Variants in CSMD1 observed in about 807,000 individuals in gnomAD.
CSMD1 encodes CUB and sushi domain-containing protein 1.
Under a neutral mutation model 417.5 loss-of-function variants are expected in CSMD1, and 213 were observed. The ratio of observed to expected loss-of-function variants is 0.51; its 90% CI spans 0.46 to 0.57. The LOEUF (loss-of-function observed/expected upper bound fraction) is 0.57. CSMD1 is among the 20% of genes least tolerant of loss of function. CSMD1 has a pLI of 0.00. For missense variants in CSMD1, 6,923 were observed against 4,529.7 expected, an observed-to-expected ratio of 1.53 and a Z score of -15.17; for synonymous variants, 2,862 against 1,736.8, an observed-to-expected ratio of 1.65 and a Z score of -16.11.
intron 10 of CSMD1, among the ~76,000 whole-genome samples, chr8:3,529,611 T>C (rs1325229782): frequency 6.6e-6 from 1 of 152,230 alleles, no homozygotes; most frequent in Admixed American, 6.5e-5. Flanking sequence ...TTCTGACGCC[T>C]AGTTCGTGAT....
At chr8:4,035,478 G>C (rs1344172608) in intron 3 of CSMD1, among the ~76,000 whole-genome samples, 2 of 141,782 alleles carry the variant, frequency 1.4e-5, no homozygotes, top group African/African-American at 3.1e-5. Flanking sequence ...TATCCTAGGA[G>C]ATGAAAGCTC....
intron 36 of CSMD1, among the ~76,000 whole-genome samples, chr8:3,184,053 T>C (rs1037837): frequency 0.47 from 71,113 of 151,916 alleles, 16,959 homozygotes; most frequent in South Asian, 0.59. Context: ...GGACCAAATT[T>C]CACACTCCTT....
intron 2 of CSMD1, among the ~76,000 whole-genome samples, chr8:4,604,306 G>C (rs1388772952): frequency 6.6e-6 from 1 of 150,614 alleles, no homozygotes; most frequent in Non-Finnish European, 1.5e-5. Context: ...TATATAACAG[G>C]AATATGCATT....
chr8:4,960,089 G>C (rs1809379234), intron 1 of CSMD1, among the ~76,000 whole-genome samples: 1 of 152,094 alleles, frequency 6.6e-6, no homozygotes, highest in Admixed American at 6.6e-5. Context: ...TAAAAAAATT[G>C]CCAAATAATG....
In CSMD1 at chr8:3,769,434, A is replaced by T. The variant is rs1001015978; in HGVS notation, c.819-15392T>A. Among the ~76,000 whole-genome samples the T allele has an allele frequency of 2.0e-5, 3 of 151,686 alleles. 1 individual carries two copies. The highest frequency in any genetic ancestry group is 4.4e-5 in the Non-Finnish European group (3 of 67,894). ...GAATATGTCAGATACATCCAATTCC[A>T]GTGTAAAGTGACAGGCTGAACTCAT... On this transcript the variant is annotated intron_variant, in intron 5 of 69. Coordinates refer to ENST00000635120, the MANE Select transcript of CSMD1 (RefSeq NM_033225.6).
intron 7 of CSMD1, among the ~76,000 whole-genome samples, chr8:3,626,968 G>C (rs1796522119): frequency 6.6e-6 from 1 of 151,652 alleles, no homozygotes; most frequent in South Asian, 2.1e-4. Context: ...ACAGTGTTTA[G>C]TATTTGTTTA....
intron 7 of CSMD1, among the ~76,000 whole-genome samples, chr8:3,651,272 C>G (rs1797842518): frequency 6.6e-6 from 1 of 152,134 alleles, no homozygotes; most frequent in Non-Finnish European, 1.5e-5. Context: ...TCAAAGGATT[C>G]CATTTCACCT....
At chr8:4,187,591 G>A (rs557323137) in intron 3 of CSMD1, among the ~76,000 whole-genome samples, 31 of 144,526 alleles carry the variant, frequency 2.1e-4, no homozygotes, top group East Asian at 8.6e-4. Flanking sequence ...TAGGAGAATC[G>A]CTTGAACCCA....
intron 6 of CSMD1, among the ~76,000 whole-genome samples, chr8:3,749,674 C>A (rs1797231553): frequency 6.6e-6 from 1 of 152,152 alleles, no homozygotes; most frequent in South Asian, 2.1e-4. Flanking sequence ...AGAAGTTTCT[C>A]ATAGAAAGAG....
At chr8:3,844,214 T>A (rs760137494) in intron 5 of CSMD1, among the ~76,000 whole-genome samples, 1 of 152,206 alleles carries the variant, frequency 6.6e-6, no homozygotes, top group South Asian at 2.1e-4. Context: ...TGTTGAAGAA[T>A]GAGTCTGGCT....
intron 3 of CSMD1, among the ~76,000 whole-genome samples, chr8:4,193,442 A>G (rs1470062916): frequency 2.6e-5 from 4 of 152,176 alleles, no homozygotes; most frequent in Admixed American, 2.6e-4. Context: ...CCAGGTACCC[A>G]TGCCAGGTCA....
chr8:3,414,004 T>G (rs1052705472), intron 12 of CSMD1, among the ~76,000 whole-genome samples: 1 of 151,410 alleles, frequency 6.6e-6, no homozygotes, highest in Non-Finnish European at 1.5e-5. Context: ...CCGGGAATGG[T>G]GGTGCACGCC....
chr8:3,244,453 G>A (rs1044118100), intron 26 of CSMD1, among the ~76,000 whole-genome samples: 14 of 152,248 alleles, frequency 9.2e-5, no homozygotes, highest in African/African-American at 3.1e-4. Context: ...GTGGAGCAGG[G>A]TTAGTTTGCA....
intron 2 of CSMD1, among the ~76,000 whole-genome samples, chr8:4,498,479 AC>A (rs1427702871): frequency 1.3e-5 from 2 of 152,194 alleles, no homozygotes; most frequent in Non-Finnish European, 2.9e-5. Context: ...TTTAGTTCAA[AC>A]TTTTAATTTT....
intron 1 of CSMD1, among the ~76,000 whole-genome samples, chr8:4,720,296 T>A (rs193020604): frequency 6.6e-6 from 1 of 152,124 alleles, no homozygotes; most frequent in African/African-American, 2.4e-5. Flanking sequence ...CAGAAAGCAA[T>A]GTGAAATTCC....
intron 7 of CSMD1, among the ~76,000 whole-genome samples, chr8:3,619,914 C>T (rs1802338979): frequency 6.6e-6 from 1 of 152,020 alleles, no homozygotes; most frequent in Non-Finnish European, 1.5e-5. Context: ...CTGGCCTGGC[C>T]AACATAGTGA....
chr8:3,306,094 T>G (rs1365713942), intron 25 of CSMD1, among the ~76,000 whole-genome samples: 1 of 152,182 alleles, frequency 6.6e-6, no homozygotes, highest in African/African-American at 2.4e-5. Context: ...ACCTTTCTCA[T>G]GTAGGGTGTA....
At chr8:3,480,838 C>A (rs947123673) in intron 11 of CSMD1, among the ~76,000 whole-genome samples, 7 of 151,934 alleles carry the variant, frequency 4.6e-5, no homozygotes, top group African/African-American at 1.7e-4. Flanking sequence ...AATTATCAGG[C>A]GTATAATTTG....
chr8:3,709,511 A>G (rs1365260556), intron 6 of CSMD1, among the ~76,000 whole-genome samples: 1 of 151,910 alleles, frequency 6.6e-6, no homozygotes, highest in Non-Finnish European at 1.5e-5. Flanking sequence ...TGAGAATGTC[A>G]TGGATGATAT....
Sources: gnomAD v4.1 joint callset for allele counts (sites outside exome capture counted in the v4.1 genomes callset) on GRCh38, gnomAD v4.1.1 for gene constraint, MANE v1.5 for transcripts, NCBI Gene and HGNC (gene_info 2026-07-23, HGNC 2026-07-21) for gene names.